Variants in KIAA1217 observed in about 807,000 individuals in gnomAD.
KIAA1217 encodes the protein sickle tail protein homolog.
In KIAA1217, 88 loss-of-function variants were observed where a neutral mutation model predicts 163.9. The observed-to-expected ratio is 0.54, with a 90% CI of 0.45 to 0.64. The LOEUF is 0.64. KIAA1217 is among the 30% of genes least tolerant of loss of function. The pLI is 0.00. For synonymous variants in KIAA1217, 903 were observed against 923.1 expected, an observed-to-expected ratio of 0.98 and a Z score of 0.39; for missense variants, 2,372 against 2,475.0, an observed-to-expected ratio of 0.96 and a Z score of 0.88.
intron 1 of KIAA1217, among the ~76,000 whole-genome samples, chr10:23,752,932 C>T (rs1474634852): frequency 1.3e-5 from 2 of 152,254 alleles, no homozygotes; most frequent in East Asian, 3.9e-4. Context: ...AGAATTATCA[C>T]CCCCATTTTA....
intron 12 of KIAA1217, among the ~76,000 whole-genome samples, chr10:24,523,639 C>T (rs548612107): frequency 3.3e-5 from 5 of 151,978 alleles, no homozygotes; most frequent in Non-Finnish European, 7.4e-5. Flanking sequence ...TCATCACCAT[C>T]GTCATCCCCA....
chr10:23,924,201 T>C (rs1405514759), intron 1 of KIAA1217, among the ~76,000 whole-genome samples: 2 of 97,684 alleles, frequency 2.0e-5, no homozygotes, highest in East Asian at 2.3e-4. Context: ...CTAGGATACA[T>C]GTGCAAGCCA....
At chr10:24,196,826 C>T (rs1240742650) in intron 2 of KIAA1217, among the ~76,000 whole-genome samples, 3 of 152,156 alleles carry the variant, frequency 2.0e-5, no homozygotes, top group Non-Finnish European at 2.9e-5. Context: ...TGCGCTGCTC[C>T]CCTGTAGCCT....
intron 1 of KIAA1217, among the ~76,000 whole-genome samples, chr10:23,817,988 T>TAC (rs1373067452): frequency 5.0e-5 from 6 of 120,408 alleles, no homozygotes; most frequent in African/African-American, 2.0e-4. Flanking sequence ...TATATATATA[T>TAC]ATATATATAT....
At chr10:23,755,218 TA>T (rs1184825526) in intron 1 of KIAA1217, among the ~76,000 whole-genome samples, 1 of 152,158 alleles carries the variant, frequency 6.6e-6, no homozygotes, top group Non-Finnish European at 1.5e-5. Context: ...GAAGATAACT[TA>T]GATCTTTGGA....
At chr10:24,146,385 C>T (rs1265117186) in intron 2 of KIAA1217, among the ~76,000 whole-genome samples, 2 of 152,176 alleles carry the variant, frequency 1.3e-5, no homozygotes, top group African/African-American at 2.4e-5. Flanking sequence ...AATCCAGGCA[C>T]CAGAGCCATC....
Position 24,020,198 on chromosome 10 carries a change from C to G in KIAA1217, c.-171+12824C>G, listed in dbSNP as rs1847672800. Among the ~76,000 whole-genome samples, 2 of 152,130 alleles carry G rather than the reference C, an allele frequency of 1.3e-5. 1 individual carries two copies. Among genetic ancestry groups the G allele is most frequent in the South Asian group, 4.1e-4 (2 of 4,834 alleles). On this transcript the variant is annotated intron_variant, in intron 2 of 18. Coordinates refer to the KIAA1217 transcript ENST00000376462. ...GTTGGGTGAGAATAGTAGTCCGTGA[C>G]TTTCATTCCTGGGGCTACCCCCATC...
chr10:23,701,538 G>T (rs970520003), intron 1 of KIAA1217, among the ~76,000 whole-genome samples: 1 of 152,078 alleles, frequency 6.6e-6, no homozygotes, highest in Non-Finnish European at 1.5e-5. Context: ...CTCACTGATG[G>T]CCTCCTGAAC....
At chr10:24,335,294 G>GTTT (rs57833930) in intron 2 of KIAA1217, among the ~76,000 whole-genome samples, 4 of 139,642 alleles carry the variant, frequency 2.9e-5, no homozygotes, top group Non-Finnish European at 3.1e-5. Context: ...GGCAAGGAGG[G>GTTT]TTTTTTTTTT....
chr10:23,922,376 T>A (rs758634271), intron 1 of KIAA1217, among the ~76,000 whole-genome samples: 15 of 152,194 alleles, frequency 9.9e-5, no homozygotes, highest in Admixed American at 2.6e-4. Flanking sequence ...AAGTAAAGTG[T>A]TTCCCTGAGT....
chr10:24,499,896 G>A (rs904429202), intron 8 of KIAA1217, among the ~76,000 whole-genome samples: 5 of 152,172 alleles, frequency 3.3e-5, no homozygotes, highest in Non-Finnish European at 7.3e-5. Flanking sequence ...GTCACTCATG[G>A]ATGAAGACCA....
At chr10:23,714,532 C>A (rs2130744133) in intron 1 of KIAA1217, among the ~76,000 whole-genome samples, 1 of 152,236 alleles carries the variant, frequency 6.6e-6, no homozygotes, top group South Asian at 2.1e-4. Flanking sequence ...ATACGCTATG[C>A]TGCCTCAAGA....
chr10:23,886,716 C>T (rs1026826511), intron 1 of KIAA1217, among the ~76,000 whole-genome samples: 6 of 152,032 alleles, frequency 3.9e-5, no homozygotes, highest in African/African-American at 1.4e-4. Context: ...ATTAGCATAG[C>T]CTCTTTTAGA....
chr10:23,836,279 A>G (rs544832469), intron 1 of KIAA1217, among the ~76,000 whole-genome samples: 7 of 152,116 alleles, frequency 4.6e-5, no homozygotes, highest in African/African-American at 7.2e-5. Flanking sequence ...GTTTATTGTT[A>G]TGGGTAGTTT....
intron 1 of KIAA1217, among the ~76,000 whole-genome samples, chr10:23,806,857 G>C (rs922876309): frequency 2.0e-5 from 3 of 152,154 alleles, no homozygotes; most frequent in African/African-American, 7.2e-5. Context: ...AGTTTCTTTG[G>C]TTCCTAAGGT....
intron 2 of KIAA1217, among the ~76,000 whole-genome samples, chr10:24,137,262 C>T (rs779397954): frequency 4.1e-4 from 62 of 152,190 alleles, no homozygotes; most frequent in Non-Finnish European, 7.6e-4. Context: ...ACCCATAGTT[C>T]CCCCTGCCCC....
chr10:23,914,297 C>G (rs1842554184), intron 1 of KIAA1217, among the ~76,000 whole-genome samples: 1 of 152,090 alleles, frequency 6.6e-6, no homozygotes, highest in Non-Finnish European at 1.5e-5. Flanking sequence ...CACAATTCCA[C>G]CTTTTTCCTT....
At position 24,524,493 on chromosome 10, in the gene KIAA1217, T is replaced by C. The variant is rs1323194019; in HGVS notation, c.2627T>C (p.Val876Ala). 5.0e-6 allele frequency: 8 copies of C among 1,613,998 alleles called. No homozygotes were observed. The highest frequency in any genetic ancestry group is 6.8e-6 in the Non-Finnish European group (8 of 1,180,036). Residue 876 changes from valine (V) to alanine (A), a missense_variant, in exon 13 of 21, where the codon GTG becomes GCG. Physicochemically the swap from Val to Ala is moderately conservative, Grantham distance 64. Around this residue, in one of 3 missense-constraint regions of KIAA1217, gnomAD observed 1,431 missense variants for 1,470.3 expected, o/e 0.97. Coordinates refer to ENST00000376454, the MANE Select transcript of KIAA1217 (RefSeq NM_019590.5). ...GCCCCTGGCGATGCGAAGTCGGAAG[T>C]GGTGCCTTTGTCCGGCATGATGGTT... ...TGAPGDAKSE[V>A]VPLSGMMVRH...
intron 1 of KIAA1217, among the ~76,000 whole-genome samples, chr10:23,911,378 A>G (rs1589060388): frequency 6.6e-6 from 1 of 152,198 alleles, no homozygotes; most frequent in East Asian, 1.9e-4. Flanking sequence ...GGGGCTTTGA[A>G]TTAGAAATGT....
Sources: allele counts gnomAD v4.1 joint callset (sites outside exome capture counted in the v4.1 genomes callset), GRCh38; gene constraint gnomAD v4.1.1; regional missense constraint gnomAD v4.1.1; transcripts MANE v1.5; gene names NCBI Gene and HGNC (gene_info 2026-07-23, HGNC 2026-07-21).